The following DUS1L variants were observed in gnomAD, a reference collection of about 807,000 sequenced individuals.
DUS1L encodes the protein dihydrouridine synthase 1 like, also known as tRNA-dihydrouridine(16/17) synthase [NAD(P)(+)]-like.
In DUS1L, 56 loss-of-function variants were observed where a neutral mutation model predicts 61.2. The observed-to-expected ratio is 0.92, with a 90% CI of 0.74 to 1.14. DUS1L has a LOEUF of 1.14. Ranked by LOEUF, DUS1L falls within the 50% of genes most tolerant of loss-of-function variation. The pLI is 0.00. For synonymous variants in DUS1L, 278 were observed against 259.5 expected (o/e 1.07, Z -0.69); for missense variants, 630 against 632.4 (o/e 1.00, Z 0.04).
Position 82,063,507 on chromosome 17 carries a change from C to T in DUS1L, c.358G>A (p.Ala120Thr), listed in dbSNP as rs759114825. Residue 120 changes from alanine (A) to threonine (T), a missense_variant, in exon 4 of 14, where the codon GCC becomes ACC. Ala to Thr is a moderately conservative substitution (Grantham distance 58). Coordinates refer to ENST00000306796, the MANE Select transcript of DUS1L (RefSeq NM_022156.5). ...QMIAKRGHYG[A>T]FLQDEWDLLQ... ...AGGTCCCACTCGTCCTGCAGAAAGGCGCCATAGTGACCTGCAAGGAGCAAG... is the reference window on the plus strand; with the variant it reads ...AGGTCCCACTCGTCCTGCAGAAAGGTGCCATAGTGACCTGCAAGGAGCAAG... 32 of 1,613,656 alleles carry T rather than the reference C, an allele frequency of 2.0e-5. No individual in the cohort carries two copies. Among genetic ancestry groups the T allele is most frequent in the Admixed American group, 3.3e-5 (2 of 60,026 alleles).
At chr17:82,058,443 G>T in intron 12 of DUS1L, 27 bp from the exon 13 acceptor site, 1 of 1,480,518 alleles carries the variant, frequency 6.8e-7, no homozygotes. Context: ...TCGGGAGCCT[G>T]TGGCCAGCAC....
At chr17:82,063,080 C>T (rs2033589872) in intron 4 of DUS1L, 107 bp from the exon 5 acceptor site, 36 of 1,040,416 alleles carry the variant, frequency 3.5e-5, no homozygotes, top group Middle Eastern at 4.2e-4. Context: ...GCAGCTTTGC[C>T]GGGAGGCTGG....
In DUS1L at chr17:82,060,792, G is replaced by A; in HGVS notation, c.940-9C>T. 1 of 1,611,910 alleles carries A rather than the reference G, an allele frequency of 6.2e-7. No individual in the cohort carries two copies. Among genetic ancestry groups the A allele is most frequent in the South Asian group, 1.1e-5 (1 of 90,848 alleles). Reference sequence around the variant, plus strand: ...TGCCTGGATATCTCCTCCTGCAAAAGCCCAAGGCCCTGGTCATGGCCCCAG... The same window carrying A: ...TGCCTGGATATCTCCTCCTGCAAAAACCCAAGGCCCTGGTCATGGCCCCAG... On this transcript the variant is annotated splice_polypyrimidine_tract_variant and intron_variant, in intron 9 of 13. Coordinates refer to ENST00000306796, the MANE Select transcript of DUS1L (RefSeq NM_022156.5).
chr17:82,058,732 C>G (rs771922140), intron 12 of DUS1L, 49 bp downstream of exon 12: 2 of 1,611,758 alleles, frequency 1.2e-6, no homozygotes, highest in Admixed American at 3.3e-5. Flanking sequence ...ACCACCCTGC[C>G]CACCCCCAAA....
chr17:82,061,194 TAG>T lies in DUS1L; in HGVS notation c.842+13_842+14del. ...CGGCCCTCCAACGTGGCTTCTGCCT[TAG>T]GGGGCAACTCACGTGTGGTGCCACA... is the stretch of plus-strand genomic sequence containing the variant. On this transcript the variant is annotated intron_variant, in intron 8 of 13. Transcript: ENST00000306796. The T allele has an allele frequency of 3.8e-6, 6 of 1,575,506 alleles. No homozygotes were observed. Among genetic ancestry groups the T allele is most frequent in the Non-Finnish European group, 3.5e-6 (4 of 1,157,384 alleles).
In DUS1L at chr17:82,064,122, T is replaced by C. The variant is rs773844146; in HGVS notation, c.346+4A>G. 1 of 1,611,058 alleles carries C rather than the reference T, an allele frequency of 6.2e-7. No individual in the cohort carries two copies. Among genetic ancestry groups the C allele is most frequent in the Non-Finnish European group, 8.5e-7 (1 of 1,179,298 alleles). On this transcript the variant is annotated splice_donor_region_variant and intron_variant, in intron 3 of 13. Transcript: ENST00000306796. ...GGTGCCCCCATGCTCCACATGGAGC[T>C]CACCTCTCTTGGCTATCATCTGTGG...
intron 4 of DUS1L, 195 bp downstream of exon 4, chr17:82,063,273 T>C (rs111637621): frequency 5.5e-6 from 4 of 724,672 alleles, no homozygotes. Flanking sequence ...TTTTAAGGGG[T>C]GGGTGGTGCA....
intron 13 of DUS1L, 35 bp downstream of exon 13, chr17:82,058,302 CTGTT>C (rs757631906): frequency 6.5e-7 from 1 of 1,529,998 alleles, no homozygotes; most frequent in East Asian, 2.3e-5. Context: ...CGGAGGGGGT[CTGTT>C]TGCCTGCTGC....
chr17:82,061,928 G>A lies in DUS1L; in HGVS notation c.566C>T (p.Ala189Val), dbSNP rs201552302. ...KEQKGPLSGA[A>V]SWEHIKAVRK... ...CACAGCCTTGATATGCTCCCAGGAC[G>A]CTGCACCCGACAGGGGCCCCTTCTG... The change falls in exon 6 of 14, where the codon GCG (alanine) becomes GTG (valine). Residue 189 changes from alanine (A) to valine (V), a missense_variant. Coordinates refer to ENST00000306796, the MANE Select transcript of DUS1L (RefSeq NM_022156.5). The A allele has an allele frequency of 1.6e-5, 26 of 1,610,842 alleles. No homozygotes were observed. The highest frequency in any genetic ancestry group is 2.2e-5 in the East Asian group (1 of 44,852).
Position 82,058,192 on chromosome 17 carries a change from C to G in DUS1L, c.1345G>C (p.Glu449Gln). The G allele has an allele frequency of 6.2e-7, 1 of 1,600,860 alleles. No individual in the cohort carries two copies. The highest frequency in any genetic ancestry group is 8.5e-7 in the Non-Finnish European group (1 of 1,171,110). The change falls in exon 14 of 14, where the codon GAG becomes CAG. Residue 449 changes from glutamate (E) to glutamine (Q), a missense_variant. Physicochemically the swap from Glu to Gln is conservative, Grantham distance 29. Transcript: ENST00000306796. ...GCTGCTGGCTGAGGCTCCTGCAGCT[C>G]AGGCTGGGCCTCTTTCCAGGCCAGA... The part of the protein sequence containing the change: ...KSLAWKEAQP[E>Q]LQEPQPAAPG...
At chr17:82,060,297 G>A (rs2033416799) in intron 10 of DUS1L, 6 of 672,214 alleles carry the variant, frequency 8.9e-6, no homozygotes, top group South Asian at 6.1e-5. Flanking sequence ...TCCGCAGCTC[G>A]GGCAGCCCCA....
Position 82,058,057 on chromosome 17 carries a change from C to CT in DUS1L, c.*57dup. 1 of 1,461,778 alleles carries CT rather than the reference C, an allele frequency of 6.8e-7. No individual in the cohort carries two copies. Among genetic ancestry groups the CT allele is most frequent in the Non-Finnish European group, 9.0e-7 (1 of 1,105,218 alleles). The allele number at this position is 1,461,778 out of a possible 1,614,324, so 90.6% of individuals were successfully genotyped here. A position where few individuals can be genotyped will look rare whatever the true frequency, so the allele number is the denominator to read the frequency against. On this transcript the variant is annotated 3_prime_UTR_variant, in exon 14 of 14. Coordinates refer to ENST00000306796, the MANE Select transcript of DUS1L (RefSeq NM_022156.5). ...AGATTCCCTGAGTAAAAGGCATTTT[C>CT]TTAAGTAGGACGTGTCCAGGCTCCA...
intron 2 of DUS1L, 33 bp downstream of exon 2, chr17:82,064,790 A>G (rs781772400): frequency 6.3e-7 from 1 of 1,577,766 alleles, no homozygotes; most frequent in Admixed American, 1.8e-5. Flanking sequence ...CGGGAACCCA[A>G]CCGCGGCCGC....
intron 2 of DUS1L, 94 bp downstream of exon 2, chr17:82,064,729 A>T: frequency 7.7e-7 from 1 of 1,300,958 alleles, no homozygotes; most frequent in South Asian, 1.4e-5. Context: ...GAAAGGCTGA[A>T]AGTGATGTCC....
rs755046622 is a variant in DUS1L, at chr17:82,057,644, G to A, written c.*471C>T. 4 of 258,272 alleles carry A rather than the reference G, an allele frequency of 1.5e-5. No homozygotes were observed. The highest frequency in any genetic ancestry group is 3.1e-5 in the Non-Finnish European group (4 of 129,064). 16.0% of individuals were successfully genotyped at this position (258,272 alleles called of 1,614,324 possible). ...CAGCAGCCACTGTGGCCTCGCAGGCGGTGCTTCCAAGGCTGTGAGGCATCA... is the reference window on the plus strand; with the variant it reads ...CAGCAGCCACTGTGGCCTCGCAGGCAGTGCTTCCAAGGCTGTGAGGCATCA... On this transcript the variant is annotated 3_prime_UTR_variant, in exon 14 of 14. Coordinates refer to ENST00000306796, the MANE Select transcript of DUS1L (RefSeq NM_022156.5).
intron 11 of DUS1L, 82 bp from the exon 12 acceptor site, chr17:82,058,900 G>T: frequency 7.7e-7 from 1 of 1,306,636 alleles, no homozygotes; most frequent in Non-Finnish European, 1.1e-6. Flanking sequence ...CCTGCACGGA[G>T]CCTGCTGATG....
intron 12 of DUS1L, 35 bp from the exon 13 acceptor site, chr17:82,058,451 C>T: frequency 6.7e-7 from 1 of 1,482,202 alleles, no homozygotes; most frequent in South Asian, 1.4e-5. Context: ...CTGTGGCCAG[C>T]ACCACTCCCG....
chr17:82,063,295 T>C (rs1386984664), intron 4 of DUS1L, 173 bp downstream of exon 4: 1 of 910,248 alleles, frequency 1.1e-6, no homozygotes, highest in Non-Finnish European at 1.7e-6. Flanking sequence ...GACAGGCAAC[T>C]TCACAGCCAC....
rs1386387041 is a variant in DUS1L at position 82,061,975 on chromosome 17, C to T, written c.519G>A (p.Thr173=). 18 of 1,606,064 alleles carry T rather than the reference C, an allele frequency of 1.1e-5. No individual in the cohort carries two copies. The highest frequency in any genetic ancestry group is 1.7e-4 in the Middle Eastern group (1 of 5,958). Residue 173 remains threonine, a synonymous_variant, in exon 6 of 14, where the codon ACG becomes ACA. Transcript: ENST00000306796. ...TCTGCTCCTTGGTGCGTCCGTGCAC[C>T]GTCAGCAACTAGGACAGAGCAGTGG... ...MLEKAGCQLL[T]VHGRTKEQKG... is the part of the protein sequence containing the mutation.
Sources: gnomAD v4.1 joint callset for allele counts on GRCh38, gnomAD v4.1.1 for gene constraint, MANE v1.5 for transcripts, NCBI Gene and HGNC (gene_info 2026-07-23, HGNC 2026-07-21) for gene names.